GLIS1: variants seen among roughly 807,000 people sequenced by gnomAD.
GLIS1 encodes GLIS family zinc finger 1.
In GLIS1, 24 loss-of-function variants were observed where a neutral mutation model predicts 63.8. The observed-to-expected ratio is 0.38, with a 90% CI of 0.27 to 0.53. The LOEUF is 0.53. Among genes scored for constraint, GLIS1 ranks in the 20% least tolerant of loss-of-function variants. The pLI, the probability that GLIS1 is intolerant of heterozygous loss-of-function variation, is 0.85. For missense variants in GLIS1, 1,036 were observed against 1,074.1 expected (o/e 0.96, Z 0.50); for synonymous variants, 450 against 482.5 (o/e 0.93, Z 0.88).
At chr1:53,690,474 G>A (rs1201489622) in intron 2 of GLIS1, among the ~76,000 whole-genome samples, 1 of 152,370 alleles carries the variant, frequency 6.6e-6, no homozygotes, top group African/African-American at 2.4e-5. Flanking sequence ...CAAATGGTCA[G>A]TTTGGAGGGT....
At chr1:53,571,603 G>A (rs1553124923) in intron 4 of GLIS1, among the ~76,000 whole-genome samples, 1 of 151,788 alleles carries the variant, frequency 6.6e-6, no homozygotes, top group Non-Finnish European at 1.5e-5. Flanking sequence ...TTGAGACAGA[G>A]TCTCACTCTG....
intron 2 of GLIS1, among the ~76,000 whole-genome samples, chr1:53,735,820 G>T (rs185240902): frequency 6.6e-6 from 1 of 152,126 alleles, no homozygotes; most frequent in African/African-American, 2.4e-5. Context: ...TTTTAAGGAC[G>T]CTGAAGAACT....
intron 2 of GLIS1, among the ~76,000 whole-genome samples, chr1:53,705,122 C>G (rs78591602): frequency 0.012 from 1,875 of 152,278 alleles, 31 homozygotes; most frequent in African/African-American, 0.043. Context: ...CTGGGAAGAT[C>G]TGGCACATTC....
intron 2 of GLIS1, among the ~76,000 whole-genome samples, chr1:53,710,078 AC>A (rs951523649): frequency 2.0e-5 from 3 of 151,930 alleles, no homozygotes; most frequent in African/African-American, 7.3e-5. Flanking sequence ...CCAGCTACAA[AC>A]CCCAGCTGGG....
At chr1:53,735,591 A>G (rs1366578262) in intron 2 of GLIS1, among the ~76,000 whole-genome samples, 2 of 152,260 alleles carry the variant, frequency 1.3e-5, no homozygotes, top group Non-Finnish European at 1.5e-5. Context: ...CCAAAGGCTC[A>G]GAAGAGTAAA....
chr1:53,651,788 C>A (rs1216883785), intron 2 of GLIS1, among the ~76,000 whole-genome samples: 1 of 151,282 alleles, frequency 6.6e-6, no homozygotes, highest in Non-Finnish European at 1.5e-5. Context: ...GTGGAAGGAT[C>A]GCTTGAGCCC....
rs1644613039 is a variant in GLIS1 at position 53,539,150 on chromosome 1, T to TG, written c.1321-9199dup. Among the ~76,000 whole-genome samples the TG allele has an allele frequency of 6.6e-6, 1 of 151,644 alleles. No individual in the cohort carries two copies. Among genetic ancestry groups the TG allele is most frequent in the Admixed American group, 6.6e-5 (1 of 15,236 alleles). ...GCCACCAGCCACAGGCCCAGAAACG[T>TG]GGACACTCACACACTCTGATGTGAA... On this transcript the variant is annotated intron_variant, in intron 4 of 10. Coordinates refer to ENST00000628545, the MANE Select transcript of GLIS1 (RefSeq NM_001367484.1). This position sits in a 1 kb window ranked among gnomAD's most constrained non-coding sequence, Gnocchi z 5.0.
chr1:53,578,268 T>C (rs1645052235), intron 4 of GLIS1, among the ~76,000 whole-genome samples: 2 of 152,110 alleles, frequency 1.3e-5, no homozygotes, highest in Admixed American at 1.3e-4. Flanking sequence ...TACTGTAAAA[T>C]GGGGATAATG....
chr1:53,544,406 G>A (rs1349952885), intron 4 of GLIS1, among the ~76,000 whole-genome samples: 1 of 152,164 alleles, frequency 6.6e-6, no homozygotes, highest in Non-Finnish European at 1.5e-5. Flanking sequence ...CACTTGCCAG[G>A]GCAGCACCAG....
chr1:53,613,452 A>T (rs1328967754), intron 2 of GLIS1, among the ~76,000 whole-genome samples: 1 of 152,234 alleles, frequency 6.6e-6, no homozygotes, highest in Admixed American at 6.5e-5. Flanking sequence ...AACAGAAAAG[A>T]ATAGGAGATA....
intron 2 of GLIS1, among the ~76,000 whole-genome samples, chr1:53,625,072 C>T (rs1645581193): frequency 6.6e-6 from 1 of 152,176 alleles, no homozygotes; most frequent in African/African-American, 2.4e-5. Context: ...CACAGCCAGT[C>T]CAAAGAGAAA....
At chr1:53,697,962 G>C (rs1646483320) in intron 2 of GLIS1, among the ~76,000 whole-genome samples, 1 of 152,064 alleles carries the variant, frequency 6.6e-6, no homozygotes, top group South Asian at 2.1e-4. Flanking sequence ...GACAGAGCAG[G>C]GTTATTCTAG....
At chr1:53,578,030 T>C (rs12408559) in intron 4 of GLIS1, among the ~76,000 whole-genome samples, 23,100 of 151,824 alleles carry the variant, frequency 0.15, 2,226 homozygotes, top group Non-Finnish European at 0.22. Flanking sequence ...GGCCCCATCA[T>C]CCCCTGAGCA....
intron 4 of GLIS1, among the ~76,000 whole-genome samples, chr1:53,566,216 A>G: frequency 6.6e-6 from 1 of 152,194 alleles, no homozygotes; most frequent in Non-Finnish European, 1.5e-5. Context: ...TTCCTTTTCA[A>G]TATCATACTG....
At chr1:53,515,332 C>T (rs1484202308) in intron 7 of GLIS1, among the ~76,000 whole-genome samples, 2 of 151,966 alleles carry the variant, frequency 1.3e-5, no homozygotes, top group East Asian at 3.9e-4. Context: ...AGAATAACTA[C>T]CTCCCCCAGA....
intron 2 of GLIS1, among the ~76,000 whole-genome samples, chr1:53,627,210 G>A (rs1314386249): frequency 6.6e-6 from 1 of 152,208 alleles, no homozygotes; most frequent in Non-Finnish European, 1.5e-5. Flanking sequence ...CCTGGGAGGG[G>A]GAGGTGTGGG....
At chr1:53,637,902 G>A (rs975973953) in intron 2 of GLIS1, among the ~76,000 whole-genome samples, 6 of 152,250 alleles carry the variant, frequency 3.9e-5, no homozygotes, top group Non-Finnish European at 4.4e-5. Flanking sequence ...CATTTGTGCA[G>A]AGGACAGGGG....
intron 2 of GLIS1, among the ~76,000 whole-genome samples, chr1:53,684,931 A>G (rs934571151): frequency 2.0e-5 from 3 of 152,216 alleles, no homozygotes; most frequent in Non-Finnish European, 4.4e-5. Flanking sequence ...CAGAGGACAC[A>G]GAGAGTCATG....
In GLIS1 at chr1:53,646,862, AGAAGGAAG is replaced by A. The variant is rs909814799; in HGVS notation, c.260-46592_260-46585del. Among the ~76,000 whole-genome samples the A allele has an allele frequency of 3.3e-5, 5 of 149,460 alleles. No homozygotes were observed. Among genetic ancestry groups the A allele is most frequent in the Admixed American group, 2.0e-4 (3 of 15,008 alleles). On this transcript the variant is annotated intron_variant, in intron 2 of 10. Transcript: ENST00000628545. This position sits in a 1 kb window ranked among gnomAD's most constrained non-coding sequence, Gnocchi z 4.2. ...AGAGAGAGAAAGAGAGGGGAAGGAA[AGAAGGAAG>A]GAAGGAAGGAGAAGGGAAGGGAAGG...
Sources: gnomAD v4.1 joint callset for allele counts (sites outside exome capture counted in the v4.1 genomes callset) on GRCh38, gnomAD v4.1.1 for gene constraint, Gnocchi (gnomAD v3.1) non-coding constraint, MANE v1.5 for transcripts, NCBI Gene and HGNC (gene_info 2026-07-23, HGNC 2026-07-21) for gene names.